NAV2: variants seen among roughly 807,000 people sequenced by gnomAD.
NAV2 encodes helicase, APC down-regulated 1.
A neutral mutation model predicts 223.2 loss-of-function variants in NAV2; 54 were observed. The ratio of observed to expected loss-of-function variants is 0.24; its 90% confidence interval spans 0.19 to 0.30. The LOEUF is 0.30. NAV2 is among the 10% of genes least tolerant of loss of function. The probability of loss-of-function intolerance (pLI) is 1.00; values close to 1 mark genes in which losing one functional copy is unlikely to be tolerated. For missense variants in NAV2, 2,806 were observed against 3,147.5 expected (o/e 0.89, Z 2.60); for synonymous variants, 1,279 against 1,239.3 (o/e 1.03, Z -0.67).
chr11:20,023,712 G>A (rs1484452875), intron 11 of NAV2, among the ~76,000 whole-genome samples: 2 of 151,660 alleles, frequency 1.3e-5, no homozygotes, highest in African/African-American at 2.4e-5. Context: ...GTGTGTGTGT[G>A]TGTGTGTGTG....
chr11:20,039,202 G>A (rs1591787625), intron 12 of NAV2, among the ~76,000 whole-genome samples: 1 of 152,194 alleles, frequency 6.6e-6, no homozygotes, highest in African/African-American at 2.4e-5. Context: ...ATGATCTTGA[G>A]TTGTGCTCCT....
intron 1 of NAV2, among the ~76,000 whole-genome samples, chr11:19,799,973 C>T (rs2058141098): frequency 6.6e-6 from 1 of 152,290 alleles, no homozygotes; most frequent in South Asian, 2.1e-4. Flanking sequence ...TTAACTGTCC[C>T]TGGGTTTCAG....
intron 1 of NAV2, among the ~76,000 whole-genome samples, chr11:19,732,003 G>A (rs1002074987): frequency 1.3e-5 from 2 of 152,088 alleles, no homozygotes; most frequent in Non-Finnish European, 2.9e-5. Context: ...TAAGAGTATG[G>A]GCTGGGAGGC....
chr11:19,955,503 G>A (rs1004269535), intron 10 of NAV2, among the ~76,000 whole-genome samples: 9 of 152,200 alleles, frequency 5.9e-5, no homozygotes, highest in East Asian at 1.9e-4. Flanking sequence ...GTTTGAGGAC[G>A]TAGCCACATG....
At chr11:19,397,428 T>G (rs1849507041) in intron 1 of NAV2, among the ~76,000 whole-genome samples, 1 of 132,052 alleles carries the variant, frequency 7.6e-6, no homozygotes. Flanking sequence ...TGCGCGCATG[T>G]GTGTGTAGGG....
At position 19,458,353 on chromosome 11, in the gene NAV2, TG is replaced by T. The variant is rs144089307; in HGVS notation, c.75+107331del. Among the ~76,000 whole-genome samples the T allele has an allele frequency of 8.7e-3, 1,319 of 152,276 alleles. 19 individuals carry two copies. The highest frequency in any genetic ancestry group is 0.028 in the African/African-American group (1,161 of 41,566). ...GGTCAAATGTAGAGGAAGCATTAGG[TG>T]GGGGATCCTTTACTTGCACACGGAA... On this transcript the variant is annotated intron_variant, in intron 1 of 37. Coordinates refer to the NAV2 transcript ENST00000360655.
At chr11:19,522,520 G>A (rs1029334334) in intron 1 of NAV2, among the ~76,000 whole-genome samples, 3 of 152,122 alleles carry the variant, frequency 2.0e-5, no homozygotes, top group Non-Finnish European at 2.9e-5. Flanking sequence ...CTCACCAGCC[G>A]GGGGTATCCA....
intron 1 of NAV2, among the ~76,000 whole-genome samples, chr11:19,647,879 G>T (rs2047861375): frequency 6.6e-6 from 1 of 152,206 alleles, no homozygotes; most frequent in African/African-American, 2.4e-5. Flanking sequence ...TGTATGCCAG[G>T]TATAATGTTA....
At chr11:19,764,334 T>G (rs373521749) in intron 1 of NAV2, among the ~76,000 whole-genome samples, 5 of 152,178 alleles carry the variant, frequency 3.3e-5, no homozygotes, top group East Asian at 3.8e-4. Context: ...AATTTAGAGG[T>G]AAGAAACAAG....
At chr11:19,482,177 A>C (rs1221474727) in intron 1 of NAV2, among the ~76,000 whole-genome samples, 2 of 152,224 alleles carry the variant, frequency 1.3e-5, no homozygotes, top group African/African-American at 4.8e-5. Context: ...TTTTCACAAC[A>C]ACCCAAGAAG....
intron 1 of NAV2, among the ~76,000 whole-genome samples, chr11:19,763,019 A>T (rs112429957): frequency 6.6e-6 from 1 of 152,274 alleles, no homozygotes; most frequent in South Asian, 2.1e-4. Flanking sequence ...GCACACTTGT[A>T]TTTACCTGCA....
chr11:20,106,210 T>TATATAC lies in NAV2; in HGVS notation c.6841+488_6841+489insCATATA, dbSNP rs1565089813. Among the ~76,000 whole-genome samples the TATATAC allele has an allele frequency of 2.6e-3, 256 of 97,072 alleles. 40 individuals carry two copies. The East Asian group carries it at 0.069, about 26-fold the overall frequency. The allele number at this position is 97,072 out of a possible 152,430, so 63.7% of individuals were successfully genotyped here. The stretch of plus-strand genomic sequence containing the variant: ...ATATATATATATATATATATATATA[T>TATATAC]ATATATATATATATATATATGCTTT... On this transcript the variant is annotated intron_variant, in intron 35 of 37. Coordinates refer to ENST00000349880, the MANE Select transcript of NAV2 (RefSeq NM_145117.5).
intron 21 of NAV2, 22 bp from the exon 22 acceptor site, chr11:20,068,301 AC>A: frequency 6.2e-7 from 1 of 1,612,808 alleles, no homozygotes; most frequent in Non-Finnish European, 8.5e-7. Flanking sequence ...AAAGCATGTA[AC>A]CCTCTCCCTT....
intron 1 of NAV2, among the ~76,000 whole-genome samples, chr11:19,744,070 CA>C (rs2053116463): frequency 6.6e-6 from 1 of 152,218 alleles, no homozygotes; most frequent in East Asian, 1.9e-4. Context: ...ATCTCTTCCT[CA>C]AAGAAGCCCT....
intron 1 of NAV2, among the ~76,000 whole-genome samples, chr11:19,439,237 A>G (rs1019136416): frequency 6.6e-6 from 1 of 152,170 alleles, no homozygotes; most frequent in South Asian, 2.1e-4. Flanking sequence ...GACCAAATAT[A>G]TATTTCTTAT....
chr11:19,510,582 G>T (rs1369471284), intron 1 of NAV2, among the ~76,000 whole-genome samples: 1 of 152,200 alleles, frequency 6.6e-6, no homozygotes, highest in African/African-American at 2.4e-5. Context: ...GTGAGAGGAG[G>T]TTAATTACGT....
rs142429988 is a variant in NAV2, at chr11:19,933,208, G to A, written c.964G>A (p.Gly322Arg). Residue 322 changes from glycine (G) to arginine (R), a missense_variant, in exon 7 of 38, where the codon GGA (glycine) becomes AGA (arginine). By Grantham distance (125) the Gly-to-Arg change is moderately radical (BLOSUM62 -2). This residue lies in a region of NAV2 where 1,167 missense variants were observed against 1,180.5 expected (regional missense o/e 0.99). Transcript: ENST00000349880. This position sits in a 1 kb window ranked among gnomAD's most constrained non-coding sequence, Gnocchi z 4.3. ...GGCAAGTTCAGCCTCCTCCCACCCC[G>A]GAATGAGTGACAATGCACCTGCTTC... ...PLASSASSHP[G>R]MSDNAPASLE... 123 of 1,552,640 alleles carry A rather than the reference G, an allele frequency of 7.9e-5. No individual in the cohort carries two copies. Among genetic ancestry groups the A allele is most frequent in the Non-Finnish European group, 1.0e-4 (116 of 1,147,744 alleles).
chr11:19,430,712 ATGATGC>A (rs72162431), intron 1 of NAV2, among the ~76,000 whole-genome samples: 30,000 of 152,052 alleles, frequency 0.2, 3,274 homozygotes, highest in Middle Eastern at 0.29. Flanking sequence ...TTAAGAAGAT[ATGATGC>A]CAGTCTCCCC....
intron 28 of NAV2, among the ~76,000 whole-genome samples, chr11:20,092,835 G>A (rs781563311): frequency 2.4e-4 from 37 of 152,288 alleles, no homozygotes; most frequent in Non-Finnish European, 4.0e-4. Flanking sequence ...CCATGATGCT[G>A]CTGCTGTTGT....
Sources: allele counts gnomAD v4.1 joint callset (sites outside exome capture counted in the v4.1 genomes callset), GRCh38; gene constraint gnomAD v4.1.1; regional missense constraint gnomAD v4.1.1; non-coding constraint Gnocchi (gnomAD v3.1); transcripts MANE v1.5; gene names NCBI Gene and HGNC (gene_info 2026-07-23, HGNC 2026-07-21).